Variants in KIAA0319L observed in about 807,000 individuals in gnomAD.
The protein encoded by KIAA0319L is dyslexia-associated protein KIAA0319-like protein.
Under a neutral mutation model 120.1 loss-of-function variants are expected in KIAA0319L, and 55 were observed. The observed-to-expected ratio is 0.46, with a 90% CI of 0.37 to 0.57. The LOEUF (loss-of-function observed/expected upper bound fraction) is 0.57, where lower values mean the gene tolerates loss of function less well. Among genes scored for constraint, KIAA0319L ranks in the 20% least tolerant of loss-of-function variants. The pLI, the probability that KIAA0319L is intolerant of heterozygous loss-of-function variation, is 0.00. For synonymous variants in KIAA0319L, 398 were observed against 471.9 expected (o/e 0.84, Z 2.03); for missense variants, 1,049 against 1,255.3 (o/e 0.84, Z 2.48).
rs1641271962 is a variant in KIAA0319L at position 35,442,131 on chromosome 1, A to C, written c.2870+115T>G. 8 of 791,306 alleles carry C rather than the reference A, an allele frequency of 1.0e-5. No homozygotes were observed. In the South Asian group the frequency reaches 1.2e-4, roughly 12 times the overall value. 49.0% of individuals were successfully genotyped at this position (791,306 alleles called of 1,614,324 possible). The stretch of plus-strand genomic sequence containing the variant: ...TGCCTTAGGTGGGTCAGAACTCTCT[A>C]ATGCTGACTAAGGACCCAGCCCAGT... On this transcript the variant is annotated intron_variant, in intron 19 of 20. Coordinates refer to ENST00000325722, the MANE Select transcript of KIAA0319L (RefSeq NM_024874.5).
chr1:35,533,447 G>A (rs550093705), intron 2 of KIAA0319L: 3 of 152,226 alleles, frequency 2.0e-5, no homozygotes, highest in Admixed American at 1.3e-4. Context: ...TTTCGCTGCA[G>A]AAACAAATAC....
At chr1:35,549,852 C>G (rs1356614861) in intron 2 of KIAA0319L, among the ~76,000 whole-genome samples, 2 of 152,104 alleles carry the variant, frequency 1.3e-5, no homozygotes, top group Non-Finnish European at 2.9e-5. Flanking sequence ...TTTATTCAGT[C>G]AACAAATATT....
chr1:35,455,276 T>C (rs539708005), intron 10 of KIAA0319L, among the ~76,000 whole-genome samples: 1 of 152,352 alleles, frequency 6.6e-6, no homozygotes, highest in Non-Finnish European at 1.5e-5. Flanking sequence ...CATCCTTCCA[T>C]GTGGCAACAA....
chr1:35,524,078 T>C (rs1646028566), intron 2 of KIAA0319L, among the ~76,000 whole-genome samples: 1 of 152,190 alleles, frequency 6.6e-6, no homozygotes, highest in Non-Finnish European at 1.5e-5. Flanking sequence ...GTCTTTGGTA[T>C]AAAATGGCAA....
chr1:35,503,028 T>C (rs1215094295), intron 3 of KIAA0319L, among the ~76,000 whole-genome samples: 1 of 152,194 alleles, frequency 6.6e-6, no homozygotes, highest in East Asian at 1.9e-4. Context: ...GCAATATTTC[T>C]ATTTTCTTAC....
At chr1:35,529,795 G>C (rs1030730677) in intron 2 of KIAA0319L, among the ~76,000 whole-genome samples, 16 of 152,128 alleles carry the variant, frequency 1.1e-4, no homozygotes, top group East Asian at 1.9e-4. Context: ...GATCTTTGTG[G>C]GTTGTATCTG....
At chr1:35,531,987 G>A (rs758526898) in intron 2 of KIAA0319L, among the ~76,000 whole-genome samples, 5 of 152,040 alleles carry the variant, frequency 3.3e-5, no homozygotes, top group Admixed American at 6.5e-5. Context: ...TAGGCCTGGC[G>A]CGGTTGCTCA....
At position 35,442,976 on chromosome 1, in the gene KIAA0319L, G is replaced by T. The variant is rs142784644; in HGVS notation, c.2709C>A (p.Arg903=). The T allele has an allele frequency of 9.3e-6, 15 of 1,614,074 alleles. No homozygotes were observed. Among genetic ancestry groups the T allele is most frequent in the Non-Finnish European group, 1.2e-5 (14 of 1,180,026 alleles). Residue 903 remains arginine, a synonymous_variant, in exon 18 of 21, where the codon CGC becomes CGA. Transcript: ENST00000325722. ...CCATCCAAAAAGGGTCACAGATACAGCGTTTGGTGAACGAGTCACAGTGGC... is the reference window on the plus strand; with the variant it reads ...CCATCCAAAAAGGGTCACAGATACATCGTTTGGTGAACGAGTCACAGTGGC... ...DHGHCDSFTK[R]CICDPFWMEN... is the part of the protein sequence containing the mutation.
At chr1:35,556,330 A>G (rs1011697623) in intron 1 of KIAA0319L, 1 of 152,260 alleles carries the variant, frequency 6.6e-6, no homozygotes, top group African/African-American at 2.4e-5. Flanking sequence ...AACTCCATTT[A>G]TGTACACAGC....
At chr1:35,514,391 TG>T (rs1645596601) in intron 2 of KIAA0319L, among the ~76,000 whole-genome samples, 1 of 145,790 alleles carries the variant, frequency 6.9e-6, no homozygotes, top group Admixed American at 6.9e-5. Context: ...ACTTACAAAA[TG>T]GACTAAATGC....
In KIAA0319L at chr1:35,456,915, TGAAGGAAGGAAG is replaced by T. The variant is rs71062877; in HGVS notation, c.1428-686_1428-675del. On this transcript the variant is annotated intron_variant, in intron 9 of 20. Coordinates refer to ENST00000325722, the MANE Select transcript of KIAA0319L (RefSeq NM_024874.5). ...GGGAGGGAGGGAAAGAAGGAAGGAA[TGAAGGAAGGAAG>T]GAAGGAAGGAAGGAAGGAAGGAAGG... Among the ~76,000 whole-genome samples, 810 of 110,064 alleles carry T rather than the reference TGAAGGAAGGAAG, an allele frequency of 7.4e-3. 12 individuals carry two copies. The highest frequency in any genetic ancestry group is 0.021 in the African/African-American group (624 of 29,452). The allele number at this position is 110,064 out of a possible 152,430, so 72.2% of individuals were successfully genotyped here.
chr1:35,539,847 G>A (rs1176143799), intron 2 of KIAA0319L, among the ~76,000 whole-genome samples: 2 of 152,208 alleles, frequency 1.3e-5, no homozygotes, highest in Non-Finnish European at 2.9e-5. Context: ...AGGCAGGATG[G>A]CAGTCCTCTT....
chr1:35,495,709 G>A (rs1644777077), intron 3 of KIAA0319L, among the ~76,000 whole-genome samples: 1 of 151,880 alleles, frequency 6.6e-6, no homozygotes, highest in Admixed American at 6.6e-5. Context: ...CTAGAGTGTG[G>A]TGGCATGATC....
At chr1:35,459,350 T>C (rs928416136) in intron 9 of KIAA0319L, among the ~76,000 whole-genome samples, 1 of 152,136 alleles carries the variant, frequency 6.6e-6, no homozygotes, top group African/African-American at 2.4e-5. Flanking sequence ...CTCACACCTG[T>C]AATCCCAGAA....
At chr1:35,545,638 G>C (rs1250092728) in intron 2 of KIAA0319L, among the ~76,000 whole-genome samples, 1 of 152,210 alleles carries the variant, frequency 6.6e-6, no homozygotes, top group Non-Finnish European at 1.5e-5. Context: ...AGGCAGCCAG[G>C]TGCGGTGGCT....
intron 20 of KIAA0319L, chr1:35,438,666 C>G (rs1640977193): frequency 6.6e-6 from 1 of 151,826 alleles, no homozygotes; most frequent in African/African-American, 2.4e-5. Flanking sequence ...AGGCACCCAC[C>G]ACCACGCCCA....
intron 9 of KIAA0319L, among the ~76,000 whole-genome samples, chr1:35,458,906 G>A (rs752860034): frequency 4.6e-5 from 7 of 151,720 alleles, no homozygotes; most frequent in Admixed American, 3.3e-4. Flanking sequence ...TGTTGTACTG[G>A]CAGCTACTTT....
chr1:35,448,083 CTCTA>C, intron 16 of KIAA0319L, 86 bp downstream of exon 16: 1 of 1,271,660 alleles, frequency 7.9e-7, no homozygotes, highest in East Asian at 2.4e-5. Context: ...GCCCACCTTT[CTCTA>C]TCTAACCACA....
intron 3 of KIAA0319L, among the ~76,000 whole-genome samples, chr1:35,490,836 G>A (rs1644564951): frequency 6.6e-6 from 1 of 152,148 alleles, no homozygotes; most frequent in South Asian, 2.1e-4. Context: ...TCCCCTTCCT[G>A]TTCTCATGAT....
Sources: allele counts gnomAD v4.1 joint callset (sites outside exome capture counted in the v4.1 genomes callset), GRCh38; gene constraint gnomAD v4.1.1; transcripts MANE v1.5; gene names NCBI Gene and HGNC (gene_info 2026-07-23, HGNC 2026-07-21).